RNF144B: variants seen among roughly 807,000 people sequenced by gnomAD.
The protein encoded by RNF144B is E3 ubiquitin-protein ligase RNF144B.
RNF144B carries 25 observed loss-of-function variants against 40.2 expected under a neutral mutation model. The observed-to-expected ratio is 0.62, with a 90% CI of 0.45 to 0.87. The LOEUF (loss-of-function observed/expected upper bound fraction) is 0.87, where lower values mean the gene tolerates loss of function less well. Ranked by LOEUF, RNF144B falls within the 40% of genes least tolerant of loss-of-function variation. The probability of loss-of-function intolerance (pLI) is 0.00; values close to 1 mark genes in which losing one functional copy is unlikely to be tolerated. For missense variants in RNF144B, 365 were observed against 373.7 expected (o/e 0.98, Z 0.19); for synonymous variants, 145 against 136.3 (o/e 1.06, Z -0.44).
Position 18,454,433 on chromosome 6 carries a change from A to G in RNF144B, c.332-2722A>G, listed in dbSNP as rs188841018. ...AATTTCCTTTTTGGATAGAGTCAAA[A>G]TCTGTCTCTTAGTTACTCCACTAAT... On this transcript the variant is annotated intron_variant, in intron 4 of 7. Transcript: ENST00000259939. Among the ~76,000 whole-genome samples the G allele has an allele frequency of 1.4e-3, 208 of 152,340 alleles. 1 individual carries two copies. The highest frequency in any genetic ancestry group is 4.5e-3 in the African/African-American group (186 of 41,576).
rs1234105045 is a variant in RNF144B, at chr6:18,450,922, T to C, written c.332-6233T>C. Among the ~76,000 whole-genome samples, 1 of 152,240 alleles carries C rather than the reference T, an allele frequency of 6.6e-6. No individual in the cohort carries two copies. The highest frequency in any genetic ancestry group is 2.4e-5 in the African/African-American group (1 of 41,464). Reference sequence around the variant, plus strand: ...AATGTCATTGTGTTTTGTCTCAGCATGTGTTTCCTGCTTTGTTTTATGATT... The same window carrying C: ...AATGTCATTGTGTTTTGTCTCAGCACGTGTTTCCTGCTTTGTTTTATGATT... On this transcript the variant is annotated intron_variant, in intron 4 of 7. Transcript: ENST00000259939. The surrounding 1 kb of genome is among the most constrained non-coding windows in gnomAD (Gnocchi z 4.7).
At chr6:18,463,925 A>G (rs548295592) in intron 7 of RNF144B, among the ~76,000 whole-genome samples, 1 of 152,296 alleles carries the variant, frequency 6.6e-6, no homozygotes, top group African/African-American at 2.4e-5. Flanking sequence ...TAAAACCATC[A>G]GATCTCATGA....
rs1419589391 is a variant in RNF144B at position 18,425,481 on chromosome 6, G to A, written c.166-2100G>A. 2.2e-4 allele frequency among the ~76,000 whole-genome samples: 34 copies of A among 152,038 alleles called. No homozygotes were observed. The highest frequency in any genetic ancestry group is 1.3e-4 in the Non-Finnish European group (9 of 68,016). On this transcript the variant is annotated intron_variant, in intron 2 of 7. Transcript: ENST00000259939. The surrounding 1 kb of genome is among the most constrained non-coding windows in gnomAD (Gnocchi z 4.2). ...GTGAGCCGCCTTGACTGTTCCCCTG[G>A]GTGTTCGCCTGCCCATTGACATTCT... is the stretch of plus-strand genomic sequence containing the variant.
rs1795101790 is a variant in RNF144B, at chr6:18,414,182, T to A, written c.166-13399T>A. Among the ~76,000 whole-genome samples, 1 of 152,210 alleles carries A rather than the reference T, an allele frequency of 6.6e-6. No homozygotes were observed. On this transcript the variant is annotated intron_variant, in intron 2 of 7. Coordinates refer to ENST00000259939, the MANE Select transcript of RNF144B (RefSeq NM_182757.4). This position sits in a 1 kb window ranked among gnomAD's most constrained non-coding sequence, Gnocchi z 4.9. Reference sequence around the variant, plus strand: ...ATCATTATTTCAAAATAATTTTGAATAAAATGAGATTTCTAATAACCAACC... The same window carrying A: ...ATCATTATTTCAAAATAATTTTGAAAAAAATGAGATTTCTAATAACCAACC...
At chr6:18,415,698 T>C (rs1795136612) in intron 2 of RNF144B, among the ~76,000 whole-genome samples, 1 of 152,184 alleles carries the variant, frequency 6.6e-6, no homozygotes, top group African/African-American at 2.4e-5. Flanking sequence ...TGTAGTTTAA[T>C]ATTCATTCTG....
At position 18,465,156 on chromosome 6, in the gene RNF144B, C is replaced by A; in HGVS notation, c.*89C>A. 7.2e-7 allele frequency: 1 copy of A among 1,391,192 alleles called. No individual in the cohort carries two copies. Among genetic ancestry groups the A allele is most frequent in the Non-Finnish European group, 9.9e-7 (1 of 1,013,874 alleles). 86.2% of individuals were successfully genotyped at this position (1,391,192 alleles called of 1,614,324 possible). ...CATTTAGTGACCTTGCCTCCTTCTC[C>A]TTGCCAACTTTGAAAGTGCCTCCGT... On this transcript the variant is annotated 3_prime_UTR_variant, in exon 8 of 8. Transcript: ENST00000259939.
Position 18,419,143 on chromosome 6 carries a change from G to A in RNF144B, c.166-8438G>A, listed in dbSNP as rs916077941. On this transcript the variant is annotated intron_variant, in intron 2 of 7. Transcript: ENST00000259939. This position sits in a 1 kb window ranked among gnomAD's most constrained non-coding sequence, Gnocchi z 4.6. Reference sequence around the variant, plus strand: ...CAAGTTTGAGAAACATTGTCAGTAAGGTAGTTGAATAGTAAGGCAGGCGAA... The same window carrying A: ...CAAGTTTGAGAAACATTGTCAGTAAAGTAGTTGAATAGTAAGGCAGGCGAA... 2.0e-5 allele frequency among the ~76,000 whole-genome samples: 3 copies of A among 152,274 alleles called. No individual in the cohort carries two copies. The East Asian group carries it at 5.8e-4, about 29-fold the overall frequency.
In RNF144B at chr6:18,450,873, T is replaced by C. The variant is rs540221981; in HGVS notation, c.332-6282T>C. Among the ~76,000 whole-genome samples the C allele has an allele frequency of 1.3e-5, 2 of 152,364 alleles. No homozygotes were observed. The highest frequency in any genetic ancestry group is 2.4e-5 in the African/African-American group (1 of 41,588). ...ATTTTTTAAAAAAGATCTGTTGATA[T>C]GGTGCTTTATCTCTTTGTAATCTAA... On this transcript the variant is annotated intron_variant, in intron 4 of 7. Coordinates refer to ENST00000259939, the MANE Select transcript of RNF144B (RefSeq NM_182757.4). This position sits in a 1 kb window ranked among gnomAD's most constrained non-coding sequence, Gnocchi z 4.7.
In RNF144B at chr6:18,406,116, G is replaced by A. The variant is rs767542197; in HGVS notation, c.165+6417G>A. Reference sequence around the variant, plus strand: ...TGATGGTTTGAATATAGTGGTGAACGATCAGATTAAGCCCTGGTTTTCAAA... The same window carrying A: ...TGATGGTTTGAATATAGTGGTGAACAATCAGATTAAGCCCTGGTTTTCAAA... On this transcript the variant is annotated intron_variant, in intron 2 of 7. Coordinates refer to ENST00000259939, the MANE Select transcript of RNF144B (RefSeq NM_182757.4). The surrounding 1 kb of genome is among the most constrained non-coding windows in gnomAD (Gnocchi z 4.2). The A allele has an allele frequency of 9.6e-6, 5 of 518,892 alleles. No homozygotes were observed. The highest frequency in any genetic ancestry group is 4.2e-5 in the South Asian group (3 of 71,594). 32.1% of individuals were successfully genotyped at this position (518,892 alleles called of 1,614,324 possible).
rs1267452301 is a variant in RNF144B at position 18,387,404 on chromosome 6, A to T, written c.-263A>T. On this transcript the variant is annotated 5_prime_UTR_variant, in exon 1 of 8. Coordinates refer to ENST00000259939, the MANE Select transcript of RNF144B (RefSeq NM_182757.4). ...GTCCCGGGCATCGCAGCTGCCAGTC[A>T]AGGCTAGGAGGCGGTCGGGGACTCC... 1 of 1,159,384 alleles carries T rather than the reference A, an allele frequency of 8.6e-7. No individual in the cohort carries two copies. Among genetic ancestry groups the T allele is most frequent in the Non-Finnish European group, 1.1e-6 (1 of 923,276 alleles). The allele number at this position is 1,159,384 out of a possible 1,614,324, so 71.8% of individuals were successfully genotyped here. A position where few individuals can be genotyped will look rare whatever the true frequency, so the allele number is the denominator to read the frequency against.
At chr6:18,435,243 A>G (rs1186594329) in intron 3 of RNF144B, among the ~76,000 whole-genome samples, 2 of 152,338 alleles carry the variant, frequency 1.3e-5, no homozygotes, top group African/African-American at 2.4e-5. Context: ...ACTTTAAATT[A>G]AAGACCATTA....
intron 4 of RNF144B, among the ~76,000 whole-genome samples, chr6:18,452,773 A>G (rs1278634931): frequency 1.3e-5 from 2 of 151,988 alleles, no homozygotes; most frequent in African/African-American, 2.4e-5. Context: ...GTATATTTCT[A>G]TATATACATA....
At position 18,460,360 on chromosome 6, in the gene RNF144B, A is replaced by T. The variant is rs1037917305; in HGVS notation, c.681+609A>T. Reference sequence around the variant, plus strand: ...GTTCTCTGCCTGAAGGACCAATGTGATGAGATTGGGCCCATCAGGATAATG... The same window carrying T: ...GTTCTCTGCCTGAAGGACCAATGTGTTGAGATTGGGCCCATCAGGATAATG... On this transcript the variant is annotated intron_variant, in intron 6 of 7. Transcript: ENST00000259939. The surrounding 1 kb of genome is among the most constrained non-coding windows in gnomAD (Gnocchi z 4.4). Among the ~76,000 whole-genome samples, 5 of 152,116 alleles carry T rather than the reference A, an allele frequency of 3.3e-5. No homozygotes were observed. Among genetic ancestry groups the T allele is most frequent in the African/African-American group, 7.2e-5 (3 of 41,428 alleles).
chr6:18,451,871 G>T (rs938275950), intron 4 of RNF144B, among the ~76,000 whole-genome samples: 5 of 152,180 alleles, frequency 3.3e-5, no homozygotes, highest in Admixed American at 3.3e-4. Flanking sequence ...CCTTGTAAGT[G>T]ATACTTCATA....
intron 2 of RNF144B, among the ~76,000 whole-genome samples, chr6:18,404,834 AATAAT>A (rs1444125083): frequency 6.6e-6 from 1 of 152,212 alleles, no homozygotes; most frequent in Non-Finnish European, 1.5e-5. Flanking sequence ...CCAAGAACAT[AATAAT>A]ATAATTACTT....
At position 18,465,290 on chromosome 6, in the gene RNF144B, A is replaced by T; in HGVS notation, c.*223A>T. 1 of 559,534 alleles carries T rather than the reference A, an allele frequency of 1.8e-6. No homozygotes were observed. The highest frequency in any genetic ancestry group is 2.5e-5 in the South Asian group (1 of 40,582). The allele number at this position is 559,534 out of a possible 1,614,324, so 34.7% of individuals were successfully genotyped here. A position where few individuals can be genotyped will look rare whatever the true frequency, so the allele number is the denominator to read the frequency against. On this transcript the variant is annotated 3_prime_UTR_variant, in exon 8 of 8. Transcript: ENST00000259939. Reference sequence around the variant, plus strand: ...TGGGCTCAACGGTCCAGCTGTTTCTATGGAGCTTTGGGGTTCCTTGAGATG... The same window carrying T: ...TGGGCTCAACGGTCCAGCTGTTTCTTTGGAGCTTTGGGGTTCCTTGAGATG...
chr6:18,446,324 C>T lies in RNF144B; in HGVS notation c.331+6580C>T, dbSNP rs1035563636. ...TTCCATTGGCTTTTCCTTGTATCTG[C>T]TCTTCTAGGAGCTGAGCTGAAGGGC... On this transcript the variant is annotated intron_variant, in intron 4 of 7. Coordinates refer to ENST00000259939, the MANE Select transcript of RNF144B (RefSeq NM_182757.4). This position sits in a 1 kb window ranked among gnomAD's most constrained non-coding sequence, Gnocchi z 4.7. 6.6e-6 allele frequency among the ~76,000 whole-genome samples: 1 copy of T among 152,176 alleles called. No individual in the cohort carries two copies. Among genetic ancestry groups the T allele is most frequent in the African/African-American group, 2.4e-5 (1 of 41,440 alleles).
In RNF144B at chr6:18,435,367, AAAT is replaced by A. The variant is rs1186072827; in HGVS notation, c.271-4314_271-4312del. 4.6e-5 allele frequency among the ~76,000 whole-genome samples: 7 copies of A among 152,296 alleles called. No individual in the cohort carries two copies. The East Asian group carries it at 1.4e-3, about 29-fold the overall frequency. On this transcript the variant is annotated intron_variant, in intron 3 of 7. Transcript: ENST00000259939. ...GTAATGAATTAGAAGCCACTGAATA[AAAT>A]AAATGTCTGCAGTCTATGCTGACTG...
intron 2 of RNF144B, among the ~76,000 whole-genome samples, chr6:18,417,129 C>T (rs1251901697): frequency 6.6e-6 from 1 of 152,110 alleles, no homozygotes; most frequent in Admixed American, 6.6e-5. Context: ...GATATCCCAT[C>T]TTCATGGATT....
Sources: allele counts gnomAD v4.1 joint callset (sites outside exome capture counted in the v4.1 genomes callset), GRCh38; gene constraint gnomAD v4.1.1; non-coding constraint Gnocchi (gnomAD v3.1); transcripts MANE v1.5; gene names NCBI Gene and HGNC (gene_info 2026-07-23, HGNC 2026-07-21).